The following GRIP1 variants were observed in gnomAD, a reference collection of about 807,000 sequenced individuals.
The protein encoded by GRIP1 is glutamate receptor-interacting protein 1.
Under a neutral mutation model 129.9 loss-of-function variants are expected in GRIP1, and 45 were observed. The observed-to-expected ratio is 0.35, with a 90% CI of 0.27 to 0.44. The LOEUF is 0.44. Ranked by LOEUF, GRIP1 falls within the 20% of genes least tolerant of loss-of-function variation. The pLI, the probability that GRIP1 is intolerant of heterozygous loss-of-function variation, is 1.00. For synonymous variants in GRIP1, 530 were observed against 520.8 expected, an observed-to-expected ratio of 1.02 and a Z score of -0.24; for missense variants, 1,196 against 1,396.8, an observed-to-expected ratio of 0.86 and a Z score of 2.29.
intron 1 of GRIP1, among the ~76,000 whole-genome samples, chr12:66,726,087 AGT>A (rs2036246279): frequency 6.6e-6 from 1 of 152,168 alleles, no homozygotes; most frequent in Admixed American, 6.5e-5. Context: ...CACATGTGTC[AGT>A]GTGTGTTTGT....
chr12:66,634,846 C>T (rs2031197778), intron 1 of GRIP1, among the ~76,000 whole-genome samples: 1 of 152,354 alleles, frequency 6.6e-6, no homozygotes. Flanking sequence ...ACTCTGCTTC[C>T]AATGTTGGAC....
intron 1 of GRIP1, among the ~76,000 whole-genome samples, chr12:66,697,681 C>T (rs1193210152): frequency 3.3e-5 from 5 of 152,178 alleles, no homozygotes; most frequent in African/African-American, 9.7e-5. Flanking sequence ...AGGGATGAAA[C>T]TGATGCCTCT....
At chr12:66,972,790 A>G (rs1592411783) in intron 1 of GRIP1, among the ~76,000 whole-genome samples, 1 of 152,320 alleles carries the variant, frequency 6.6e-6, no homozygotes, top group East Asian at 1.9e-4. Context: ...ATGCACACTC[A>G]GCTAAGGTCC....
At chr12:66,358,474 T>C (rs950686491) in intron 23 of GRIP1, among the ~76,000 whole-genome samples, 25 of 152,098 alleles carry the variant, frequency 1.6e-4, no homozygotes, top group Non-Finnish European at 3.4e-4. Context: ...TGAGACAGGG[T>C]CTCACTCTGT....
intron 23 of GRIP1, among the ~76,000 whole-genome samples, chr12:66,363,225 A>ATATATATATATATATG (rs1363141435): frequency 9.7e-5 from 13 of 133,834 alleles, no homozygotes; most frequent in Non-Finnish European, 1.9e-4. Flanking sequence ...ATATATATAT[A>ATATATATATATATATG]TATAAAGTTT....
chr12:66,915,794 A>G (rs1370705433), intron 1 of GRIP1, among the ~76,000 whole-genome samples: 3 of 152,244 alleles, frequency 2.0e-5, no homozygotes. Flanking sequence ...AATGAGTGAC[A>G]GCCAGACACT....
At chr12:67,027,499 T>A (rs376892158) in intron 1 of GRIP1, among the ~76,000 whole-genome samples, 1 of 152,232 alleles carries the variant, frequency 6.6e-6, no homozygotes, top group Non-Finnish European at 1.5e-5. Flanking sequence ...ACTTAGGCTA[T>A]AGTGACGTGC....
intron 2 of GRIP1, among the ~76,000 whole-genome samples, chr12:66,574,608 T>C (rs1223960246): frequency 6.6e-6 from 1 of 152,228 alleles, no homozygotes; most frequent in Non-Finnish European, 1.5e-5. Context: ...TGTTTGACCA[T>C]TCCTCTATTG....
chr12:66,986,989 T>C (rs886218575), intron 1 of GRIP1, among the ~76,000 whole-genome samples: 3 of 152,086 alleles, frequency 2.0e-5, no homozygotes, highest in Admixed American at 1.3e-4. Flanking sequence ...ACTTTACCTG[T>C]TTAGGGTCCG....
At chr12:66,734,690 G>C (rs1038058994) in intron 1 of GRIP1, among the ~76,000 whole-genome samples, 1 of 152,128 alleles carries the variant, frequency 6.6e-6, no homozygotes, top group East Asian at 1.9e-4. Flanking sequence ...AGTGTGGGAA[G>C]ATAACTTCAG....
chr12:66,990,663 G>A (rs1027393574), intron 1 of GRIP1, among the ~76,000 whole-genome samples: 2 of 152,124 alleles, frequency 1.3e-5, no homozygotes, highest in African/African-American at 2.4e-5. Flanking sequence ...GTATCTAACT[G>A]TAACATACAA....
At chr12:66,717,371 T>G (rs2035922257) in intron 1 of GRIP1, among the ~76,000 whole-genome samples, 1 of 129,970 alleles carries the variant, frequency 7.7e-6, no homozygotes, top group Non-Finnish European at 1.6e-5. Context: ...GGGCTTGAAT[T>G]TTTGCTCACT....
chr12:66,681,046 G>T (rs1592737577), upstream of GRIP1, among the ~76,000 whole-genome samples: 3 of 152,070 alleles, frequency 2.0e-5, no homozygotes, highest in Middle Eastern at 0.01. Flanking sequence ...TATTTCTTTG[G>T]CAGGGGAAAT....
intron 1 of GRIP1, among the ~76,000 whole-genome samples, chr12:66,820,933 C>A (rs529790570): frequency 6.6e-6 from 1 of 152,018 alleles, no homozygotes; most frequent in African/African-American, 2.4e-5. Context: ...ATGGTGCATA[C>A]GTCATTATAC....
chr12:66,571,598 A>G (rs1215229142), intron 2 of GRIP1, among the ~76,000 whole-genome samples: 10 of 152,208 alleles, frequency 6.6e-5, no homozygotes, highest in Non-Finnish European at 1.5e-4. Flanking sequence ...TAAAAGCACA[A>G]TGCCCTATTG....
intron 2 of GRIP1, among the ~76,000 whole-genome samples, chr12:66,566,094 C>G (rs558853023): frequency 3.0e-4 from 45 of 152,288 alleles, no homozygotes; most frequent in African/African-American, 1.1e-3. Context: ...TCCTCTTTTC[C>G]TAACTGAATA....
chr12:66,473,632 G>A (rs1387077858), intron 7 of GRIP1, among the ~76,000 whole-genome samples: 1 of 152,228 alleles, frequency 6.6e-6, no homozygotes, highest in African/African-American at 2.4e-5. Context: ...TCCAAAGGAA[G>A]GAACAGGCAG....
chr12:66,584,914 G>A (rs1435381582), intron 2 of GRIP1, among the ~76,000 whole-genome samples: 4 of 151,816 alleles, frequency 2.6e-5, no homozygotes, highest in Non-Finnish European at 5.9e-5. Flanking sequence ...AGAGCAATCA[G>A]AAGATGACTC....
At chr12:66,884,933 C>T (rs2040540310) in intron 1 of GRIP1, among the ~76,000 whole-genome samples, 1 of 152,170 alleles carries the variant, frequency 6.6e-6, no homozygotes, top group Non-Finnish European at 1.5e-5. Context: ...CTTTTGCCCA[C>T]CTTGGACTTC....
Sources: allele counts gnomAD v4.1 joint callset (sites outside exome capture counted in the v4.1 genomes callset), GRCh38; gene constraint gnomAD v4.1.1; transcripts MANE v1.5; gene names NCBI Gene and HGNC (gene_info 2026-07-23, HGNC 2026-07-21).